PC: variants seen among roughly 807,000 people sequenced by gnomAD.
PC encodes the protein pyruvate carboxylase, mitochondrial.
PC carries 46 observed loss-of-function variants against 107.8 expected under a neutral mutation model. That is an observed-to-expected ratio of 0.43 (90% CI 0.34 to 0.55). The LOEUF (loss-of-function observed/expected upper bound fraction) is 0.55. Among genes scored for constraint, PC ranks in the 20% least tolerant of loss-of-function variants. The pLI is 0.04. For missense variants in PC, 1,241 were observed against 1,643.1 expected (o/e 0.76, Z 4.23); for synonymous variants, 662 against 684.7 (o/e 0.97, Z 0.52).
intron 1 of PC, among the ~76,000 whole-genome samples, chr11:66,956,107 T>C (rs76100304): frequency 0.012 from 1,894 of 152,232 alleles, 42 homozygotes; most frequent in African/African-American, 0.042. Flanking sequence ...CTTCCTCAGT[T>C]TGGTTTCCAG....
rs1418975965 is a variant in PC, at chr11:66,849,734, G to A, written c.3024C>T (p.Leu1008=). 1.2e-6 allele frequency: 2 copies of A among 1,614,114 alleles called. No homozygotes were observed. The highest frequency in any genetic ancestry group is 1.3e-5 in the African/African-American group (1 of 74,932). The part of the protein sequence containing the change: ...HGEEVTPEDV[L]SAAMYPDVFA... ...ACACATCGGGGTACATAGCTGCTGA[G>A]AGCACATCTTCCGGCGTCACCTCCT... Residue 1008 remains leucine (L), a synonymous_variant, in exon 21 of 23, where the codon CTC becomes CTT. Transcript: ENST00000393960.
At chr11:66,939,631 C>A (rs1949075117) in intron 3 of PC, among the ~76,000 whole-genome samples, 1 of 151,804 alleles carries the variant, frequency 6.6e-6, no homozygotes, top group Non-Finnish European at 1.5e-5. Context: ...ACGGAGAAAC[C>A]CCGTCTCTAC....
Position 66,849,016 on chromosome 11 carries a change from G to T in PC, c.3420C>A (p.Leu1140=). 1 of 1,614,118 alleles carries T rather than the reference G, an allele frequency of 6.2e-7. No homozygotes were observed. Among genetic ancestry groups the T allele is most frequent in the Non-Finnish European group, 8.5e-7 (1 of 1,180,046 alleles). The change falls in exon 23 of 23, where the codon CTC becomes CTA. Residue 1140 remains leucine, a synonymous_variant. Coordinates refer to ENST00000393960, the MANE Select transcript of PC (RefSeq NM_001040716.2). ...KVAKGQPLCV[L]SAMKMETVVT... is the part of the protein sequence containing the mutation. ...CCACAGTCTCCATCTTCATGGCACT[G>T]AGCACACACAGGGGCTGGCCCTTGG...
chr11:66,852,411 C>T lies in PC; in HGVS notation c.1825+28G>A. 1 of 1,586,726 alleles carries T rather than the reference C, an allele frequency of 6.3e-7. No homozygotes were observed. Among genetic ancestry groups the T allele is most frequent in the African/African-American group, 1.3e-5 (1 of 74,574 alleles). On this transcript the variant is annotated intron_variant, in intron 15 of 22. Transcript: ENST00000393960. The surrounding 1 kb of genome is among the most constrained non-coding windows in gnomAD (Gnocchi z 4.7). Reference sequence around the variant, plus strand: ...GCCACAGAGCGGGCGCCCATTCCTACCAGGCGCTGCGCAGCATGCCAGCCT... The same window carrying T: ...GCCACAGAGCGGGCGCCCATTCCTATCAGGCGCTGCGCAGCATGCCAGCCT...
intron 12 of PC, among the ~76,000 whole-genome samples, chr11:66,855,429 C>T (rs897814743): frequency 6.6e-6 from 1 of 152,172 alleles, no homozygotes; most frequent in African/African-American, 2.4e-5. Context: ...ATTCTCGTGC[C>T]TCATCCCAAC....
At chr11:66,938,530 AC>A (rs978316418) in intron 3 of PC, among the ~76,000 whole-genome samples, 3 of 152,132 alleles carry the variant, frequency 2.0e-5, no homozygotes, top group African/African-American at 4.8e-5. Context: ...TATGAATTGC[AC>A]CCTTCTCTAA....
At chr11:66,932,488 G>A in intron 3 of PC, among the ~76,000 whole-genome samples, 1 of 152,170 alleles carries the variant, frequency 6.6e-6, no homozygotes, top group East Asian at 1.9e-4. Context: ...CTCTGTCAAT[G>A]ACTAAACCCT....
chr11:66,942,427 C>T (rs1949164090), intron 3 of PC, among the ~76,000 whole-genome samples: 1 of 149,392 alleles, frequency 6.7e-6, no homozygotes, highest in South Asian at 2.1e-4. Context: ...AATTCTGACA[C>T]ATGCTACAAC....
chr11:66,851,425 G>T (rs113778313), intron 16 of PC, 145 bp from the exon 17 acceptor site: 16 of 1,229,670 alleles, frequency 1.3e-5, no homozygotes, highest in Admixed American at 6.0e-5. Flanking sequence ...ATCCACAGGC[G>T]GGGGGTGGCC....
intron 3 of PC, among the ~76,000 whole-genome samples, chr11:66,886,155 A>G (rs1301307295): frequency 7.1e-6 from 1 of 141,720 alleles, no homozygotes; most frequent in Admixed American, 7.4e-5. Context: ...TGAAGGAAAG[A>G]CTCCAGGGTG....
intron 10 of PC, among the ~76,000 whole-genome samples, chr11:66,867,854 A>C (rs994747281): frequency 5.9e-5 from 9 of 152,230 alleles, no homozygotes; most frequent in African/African-American, 2.2e-4. Flanking sequence ...AGGGGCCTCC[A>C]TGCCCCCGGC....
At chr11:66,878,996 G>T (rs78624099) in intron 3 of PC, among the ~76,000 whole-genome samples, 6,125 of 152,214 alleles carry the variant, frequency 0.04, 196 homozygotes, top group African/African-American at 0.09. Flanking sequence ...TCATCCTGGG[G>T]GTCGACTGAG....
At chr11:66,886,239 T>C (rs969557663) in intron 3 of PC, among the ~76,000 whole-genome samples, 7 of 150,386 alleles carry the variant, frequency 4.7e-5, no homozygotes, top group African/African-American at 1.7e-4. Context: ...GAGGTCCAGG[T>C]GCTGGGGCGG....
chr11:66,850,397 G>T lies in PC; in HGVS notation c.2541C>A (p.Ala847=). ...YWEGARGLYA[A]FDCTATMKSG... is the part of the protein sequence containing the mutation. ...ACTTCATGGTGGCCGTGCAGTCGAA[G>T]GCCGCGTACAGTCCCCGAGCCCCCT... The change falls in exon 19 of 23, where the codon GCC becomes GCA. Residue 847 remains alanine (A), a synonymous_variant. Transcript: ENST00000393960. 6.2e-7 allele frequency: 1 copy of T among 1,614,078 alleles called. No individual in the cohort carries two copies. Among genetic ancestry groups the T allele is most frequent in the Non-Finnish European group, 8.5e-7 (1 of 1,180,004 alleles).
chr11:66,895,288 A>T (rs993462636), intron 3 of PC, among the ~76,000 whole-genome samples: 15 of 152,130 alleles, frequency 9.9e-5, no homozygotes, highest in African/African-American at 3.1e-4. Flanking sequence ...CCCAACAAAC[A>T]GCCTGCCCAG....
chr11:66,864,812 C>T (rs746673820), intron 11 of PC, among the ~76,000 whole-genome samples: 10 of 152,300 alleles, frequency 6.6e-5, no homozygotes, highest in South Asian at 2.1e-4. Flanking sequence ...GAGTGAGCCC[C>T]GCAGAGAAGG....
Position 66,851,777 on chromosome 11 carries a change from A to G in PC, c.1982+13T>C, listed in dbSNP as rs1591121815. ...ACACCAGGTAGCGTCTGCCCACCCCACCCCAGGCTCACTTGAAGACCACGT... is the reference window on the plus strand; with the variant it reads ...ACACCAGGTAGCGTCTGCCCACCCCGCCCCAGGCTCACTTGAAGACCACGT... On this transcript the variant is annotated intron_variant, in intron 16 of 22. Transcript: ENST00000393960. 6.2e-7 allele frequency: 1 copy of G among 1,613,528 alleles called. No individual in the cohort carries two copies. Among genetic ancestry groups the G allele is most frequent in the Non-Finnish European group, 8.5e-7 (1 of 1,179,804 alleles).
At position 66,852,801 on chromosome 11, in the gene PC, G is replaced by A. The variant is rs1309405982; in HGVS notation, c.1549C>T (p.Pro517Ser). 2 of 1,589,684 alleles carry A rather than the reference G, an allele frequency of 1.3e-6. No homozygotes were observed. The highest frequency in any genetic ancestry group is 2.2e-5 in the East Asian group (1 of 44,520). Residue 517 changes from proline to serine, a missense_variant, in exon 14 of 23, where the codon CCC becomes TCC. This residue lies in a region of PC where 1,143 missense variants were observed against 1,551.9 expected (regional missense o/e 0.74). Coordinates refer to ENST00000393960, the MANE Select transcript of PC (RefSeq NM_001040716.2). This position sits in a 1 kb window ranked among gnomAD's most constrained non-coding sequence, Gnocchi z 4.7. The part of the protein sequence containing the change: ...VMVNGPTTPI[P>S]VKASPSPTDP... ...GTGGGGCTGGGGCTGGCCTTGACGGGAATCGGGGTGGTTGGACCGTTTACC... is the reference window on the plus strand; with the variant it reads ...GTGGGGCTGGGGCTGGCCTTGACGGAAATCGGGGTGGTTGGACCGTTTACC...
At chr11:66,892,870 G>A (rs1483361684) in intron 3 of PC, among the ~76,000 whole-genome samples, 1 of 150,878 alleles carries the variant, frequency 6.6e-6, no homozygotes, top group African/African-American at 2.5e-5. Flanking sequence ...AAAAAAAATT[G>A]TTGGCTTTTA....
Sources: allele counts gnomAD v4.1 joint callset (sites outside exome capture counted in the v4.1 genomes callset), GRCh38; gene constraint gnomAD v4.1.1; regional missense constraint gnomAD v4.1.1; non-coding constraint Gnocchi (gnomAD v3.1); transcripts MANE v1.5; gene names NCBI Gene and HGNC (gene_info 2026-07-23, HGNC 2026-07-21).